TBL1XR1: variants seen among roughly 807,000 people sequenced by gnomAD.
TBL1XR1 encodes F-box-like/WD repeat-containing protein TBL1XR1.
TBL1XR1 carries 5 observed loss-of-function variants against 66.9 expected under a neutral mutation model. That is an observed-to-expected ratio of 0.07 (90% confidence interval 0.04 to 0.16). The LOEUF (loss-of-function observed/expected upper bound fraction) is 0.16, where lower values mean the gene tolerates loss of function less well. TBL1XR1 is among the 10% of genes least tolerant of loss of function. TBL1XR1 has a pLI of 1.00. For missense variants in TBL1XR1, 238 were observed against 623.2 expected, an observed-to-expected ratio of 0.38 and a Z score of 6.58; for synonymous variants, 210 against 206.0, an observed-to-expected ratio of 1.02 and a Z score of -0.17.
chr3:177,172,261 C>CAAA (rs35087965), intron 1 of TBL1XR1, among the ~76,000 whole-genome samples: 51,507 of 99,480 alleles, frequency 0.52, 12,994 homozygotes, highest in East Asian at 0.74. Flanking sequence ...ACTCCCACCT[C>CAAA]AAAAAAAAAA....
intron 1 of TBL1XR1, among the ~76,000 whole-genome samples, chr3:177,189,457 A>C (rs1735843071): frequency 6.6e-6 from 1 of 151,930 alleles, no homozygotes; most frequent in African/African-American, 2.4e-5. Context: ...GTTCAAGACC[A>C]GCCTAGCCAA....
chr3:177,091,675 A>G (rs1577137470), intron 2 of TBL1XR1, among the ~76,000 whole-genome samples: 1 of 152,200 alleles, frequency 6.6e-6, no homozygotes, highest in East Asian at 1.9e-4. Flanking sequence ...TCAAATGCCT[A>G]AATCCACACG....
intron 1 of TBL1XR1, among the ~76,000 whole-genome samples, chr3:177,182,126 A>G (rs1258396338): frequency 2.0e-5 from 3 of 152,090 alleles, no homozygotes; most frequent in Non-Finnish European, 4.4e-5. Context: ...GCTCATGCCT[A>G]TTGTAATCCC....
chr3:177,190,881 C>G (rs1736055439), intron 1 of TBL1XR1, among the ~76,000 whole-genome samples: 1 of 152,090 alleles, frequency 6.6e-6, no homozygotes, highest in South Asian at 2.1e-4. Context: ...TCCATCCGTT[C>G]AAGAAACATC....
At chr3:177,111,030 C>T (rs1312954187) in intron 1 of TBL1XR1, 1 of 152,346 alleles carries the variant, frequency 6.6e-6, no homozygotes, top group Non-Finnish European at 1.5e-5. Flanking sequence ...TAGGCCACAC[C>T]TGGCATGTGT....
At chr3:177,151,363 G>T (rs1397497200) in intron 1 of TBL1XR1, among the ~76,000 whole-genome samples, 2 of 152,238 alleles carry the variant, frequency 1.3e-5, no homozygotes, top group East Asian at 3.8e-4. Context: ...CCCGGCTGCA[G>T]CTGTGGGCAC....
At position 177,085,678 on chromosome 3, in the gene TBL1XR1, A is replaced by T. The variant is rs549608302; in HGVS notation, c.-46+12788T>A. ...TAGGAAAATGATAGCAAACACTATG[A>T]TCTTCCTGAATAAGAGATTACATAT... On this transcript the variant is annotated intron_variant, in intron 2 of 15. Transcript: ENST00000457928. Among the ~76,000 whole-genome samples the T allele has an allele frequency of 1.4e-4, 21 of 152,344 alleles. 1 individual carries two copies. The South Asian group carries it at 4.4e-3, about 32-fold the overall frequency.
At chr3:177,141,019 AT>A (rs1316748397) in intron 1 of TBL1XR1, among the ~76,000 whole-genome samples, 1 of 152,128 alleles carries the variant, frequency 6.6e-6, no homozygotes, top group African/African-American at 2.4e-5. Context: ...TCTAATCCTT[AT>A]CTTGTAAAAA....
intron 5 of TBL1XR1, among the ~76,000 whole-genome samples, 175 bp from the exon 6 acceptor site, chr3:177,050,785 C>T (rs1716960631): frequency 9.2e-6 from 1 of 109,054 alleles, no homozygotes; most frequent in Non-Finnish European, 1.7e-5. Flanking sequence ...AAAATAAATT[C>T]TTATCTTTAA....
rs1723791371 is a variant in TBL1XR1 at position 177,098,536 on chromosome 3, T to C, written c.-116A>G. 7.1e-6 allele frequency: 7 copies of C among 985,858 alleles called. No individual in the cohort carries two copies. In the South Asian group the frequency reaches 2.3e-4, roughly 33 times the overall value. The allele number at this position is 985,858 out of a possible 1,614,324, so 61.1% of individuals were successfully genotyped here. A position where few individuals can be genotyped will look rare whatever the true frequency, so the allele number is the denominator to read the frequency against. On this transcript the variant is annotated 5_prime_UTR_variant, in exon 2 of 16. Transcript: ENST00000457928. ...CACCGCCAATCACAAGTTGCTGTTG[T>C]TGATGCTGAGGAAAAGGAAAGTAAA...
At chr3:177,044,401 T>C (rs1204637633) in intron 10 of TBL1XR1, among the ~76,000 whole-genome samples, 1 of 152,160 alleles carries the variant, frequency 6.6e-6, no homozygotes, top group African/African-American at 2.4e-5. Context: ...TTGAATAAGA[T>C]ATATTTTGTA....
rs1017016691 is a variant in TBL1XR1 at position 177,054,066 on chromosome 3, G to C, written c.59-148C>G. ...AGGTCGTGTGTGTGTGTGTGTGTGTGTGTGTGTGCGCGCGCGTGTGTGTGC... is the reference window on the plus strand; with the variant it reads ...AGGTCGTGTGTGTGTGTGTGTGTGTCTGTGTGTGCGCGCGCGTGTGTGTGC... On this transcript the variant is annotated intron_variant, in intron 3 of 15. Transcript: ENST00000457928. The C allele has an allele frequency of 2.4e-5, 16 of 675,734 alleles. No homozygotes were observed. The Admixed American group carries it at 5.1e-4, about 22-fold the overall frequency. The allele number at this position is 675,734 out of a possible 1,614,324, so 41.9% of individuals were successfully genotyped here.
chr3:177,196,922 G>A (rs1444359335), intron 1 of TBL1XR1, among the ~76,000 whole-genome samples, 199 bp downstream of exon 1: 1 of 151,860 alleles, frequency 6.6e-6, no homozygotes, highest in Non-Finnish European at 1.5e-5. Context: ...GGAAAACGGG[G>A]GGATGGGGGC....
intron 3 of TBL1XR1, among the ~76,000 whole-genome samples, chr3:177,057,034 A>G (rs1034719759): frequency 5.9e-5 from 9 of 152,316 alleles, no homozygotes; most frequent in Admixed American, 5.9e-4. Flanking sequence ...AACAAAGGTC[A>G]AACGCCTAAT....
In TBL1XR1 at chr3:177,022,672, G is replaced by C. The variant is rs1712536832; in HGVS notation, c.*2826C>G. The C allele has an allele frequency of 6.6e-6, 1 of 152,476 alleles. No homozygotes were observed. The highest frequency in any genetic ancestry group is 1.5e-5 in the Non-Finnish European group (1 of 67,950). 9.4% of individuals were successfully genotyped at this position (152,476 alleles called of 1,614,324 possible). A position where few individuals can be genotyped will look rare whatever the true frequency, so the allele number is the denominator to read the frequency against. ...GGATTCAATTGATCATCAGGAATAA[G>C]TTCTCAGAAAAACACAGGCGGAAAA... On this transcript the variant is annotated 3_prime_UTR_variant, in exon 16 of 16. Transcript: ENST00000457928.
chr3:177,183,048 A>T (rs555251518), intron 1 of TBL1XR1, among the ~76,000 whole-genome samples: 2 of 152,304 alleles, frequency 1.3e-5, no homozygotes, highest in Admixed American at 1.3e-4. Flanking sequence ...ATGCCTTACA[A>T]AATTGAGGCA....
At chr3:177,147,531 G>T (rs537520008) in intron 1 of TBL1XR1, among the ~76,000 whole-genome samples, 1 of 152,308 alleles carries the variant, frequency 6.6e-6, no homozygotes, top group South Asian at 2.1e-4. Context: ...CTCTGAAAGG[G>T]TCTTGGGTTC....
chr3:177,039,847 T>G (rs1209490521), intron 10 of TBL1XR1, among the ~76,000 whole-genome samples: 1 of 151,320 alleles, frequency 6.6e-6, no homozygotes, highest in African/African-American at 2.4e-5. Flanking sequence ...TAAATAAGAG[T>G]TTTATTGAAA....
chr3:177,076,051 C>G (rs1278096383), intron 2 of TBL1XR1, among the ~76,000 whole-genome samples: 3 of 152,306 alleles, frequency 2.0e-5, no homozygotes, highest in African/African-American at 4.8e-5. Context: ...AGCCCAAGAT[C>G]AAGGTGCCAG....
Sources: gnomAD v4.1 joint callset for allele counts (sites outside exome capture counted in the v4.1 genomes callset) on GRCh38, gnomAD v4.1.1 for gene constraint, MANE v1.5 for transcripts, NCBI Gene and HGNC (gene_info 2026-07-23, HGNC 2026-07-21) for gene names.